Variants in OR1L8 observed in about 807,000 individuals in gnomAD.
The protein encoded by OR1L8 is olfactory receptor family 1 subfamily L member 8.
For synonymous variants in OR1L8, 148 were observed against 147.0 expected (o/e 1.01, Z -0.05); for missense variants, 330 against 377.4 (o/e 0.87, Z 1.04).
the OR1L8 span, among the ~76,000 whole-genome samples, chr9:122,550,402 A>G: frequency 6.6e-6 from 1 of 152,170 alleles, no homozygotes; most frequent in South Asian, 2.1e-4. Flanking sequence ...CATTCTACAA[A>G]GCAGGTATCA....
chr9:122,564,066 T>C (rs539629992), downstream of OR1L8, among the ~76,000 whole-genome samples: 7 of 152,290 alleles, frequency 4.6e-5, no homozygotes, highest in South Asian at 1.5e-3. Context: ...CCAAGGTAAC[T>C]GTGCATTGGG....
chr9:122,581,840 A>T (rs1181668881), intron 1 of OR1L8, among the ~76,000 whole-genome samples: 1 of 152,076 alleles, frequency 6.6e-6, no homozygotes, highest in Non-Finnish European at 1.5e-5. Context: ...TGAACCCAAA[A>T]GGTGGAGGTT....
At chr9:122,563,939 T>C (rs1439651978), downstream of OR1L8, among the ~76,000 whole-genome samples, 1 of 152,354 alleles carries the variant, frequency 6.6e-6, no homozygotes, top group South Asian at 2.1e-4. Context: ...GATTTATTTT[T>C]GGGTTGTCTA....
chr9:122,547,795 T>G, the OR1L8 span, among the ~76,000 whole-genome samples: 1 of 152,182 alleles, frequency 6.6e-6, no homozygotes, highest in Non-Finnish European at 1.5e-5. Context: ...TTTCTTTTCC[T>G]TTGAGTATAT....
chr9:122,550,562 T>A, the OR1L8 span, among the ~76,000 whole-genome samples: 4 of 73,014 alleles, frequency 5.5e-5, no homozygotes, highest in African/African-American at 2.6e-4. Context: ...ATCAAGTGGG[T>A]TTTTTTTTTG....
At chr9:122,579,179 T>C (rs950312705) in intron 1 of OR1L8, among the ~76,000 whole-genome samples, 4 of 152,106 alleles carry the variant, frequency 2.6e-5, no homozygotes, top group Admixed American at 2.6e-4. Flanking sequence ...TATGTTGATA[T>C]AATTGACTAT....
At chr9:122,576,223 A>T (rs561981936) in intron 3 of OR1L8, among the ~76,000 whole-genome samples, 7,466 of 150,554 alleles carry the variant, frequency 0.05, 291 homozygotes, top group South Asian at 0.17. Context: ...TCTTTTTTAC[A>T]TTTTTTTTTA....
At chr9:122,575,278 T>C (rs1366059838) in intron 3 of OR1L8, among the ~76,000 whole-genome samples, 1 of 152,134 alleles carries the variant, frequency 6.6e-6, no homozygotes. Context: ...AATTCTTCTT[T>C]AAATGTTTAG....
the OR1L8 span, among the ~76,000 whole-genome samples, chr9:122,551,858 C>T: frequency 1.3e-5 from 2 of 152,092 alleles, no homozygotes; most frequent in Non-Finnish European, 2.9e-5. Flanking sequence ...CCATACACTT[C>T]AGGTATTTCT....
At chr9:122,556,856 A>G in the OR1L8 span, among the ~76,000 whole-genome samples, 1 of 152,194 alleles carries the variant, frequency 6.6e-6, no homozygotes, top group Admixed American at 6.5e-5. Flanking sequence ...TGACACCATG[A>G]TAACATTGAG....
At chr9:122,551,790 C>G in the OR1L8 span, among the ~76,000 whole-genome samples, 7 of 152,122 alleles carry the variant, frequency 4.6e-5, no homozygotes, top group East Asian at 1.4e-3. Context: ...GTTCTAGGAG[C>G]CTTTATAACC....
chr9:122,547,666 CACT>C, the OR1L8 span, among the ~76,000 whole-genome samples: 6 of 148,338 alleles, frequency 4.0e-5, no homozygotes, highest in Non-Finnish European at 3.0e-5. Flanking sequence ...TGTACATACA[CACT>C]ACATTTTCTT....
chr9:122,548,154 A>C, the OR1L8 span, among the ~76,000 whole-genome samples: 5 of 152,210 alleles, frequency 3.3e-5, no homozygotes, highest in Admixed American at 1.3e-4. Flanking sequence ...CAGAGCCTTA[A>C]GGAAATGAAG....
At chr9:122,557,782 T>A in the OR1L8 span, among the ~76,000 whole-genome samples, 1 of 152,032 alleles carries the variant, frequency 6.6e-6, no homozygotes, top group Admixed American at 6.5e-5. Context: ...TTGCAGAGAA[T>A]TGGCATACAT....
the OR1L8 span, chr9:122,553,740 A>T: frequency 6.2e-7 from 1 of 1,613,494 alleles, no homozygotes; most frequent in Non-Finnish European, 8.5e-7. Flanking sequence ...CCAGAAAGCC[A>T]TCCCTCATTT....
intron 3 of OR1L8, among the ~76,000 whole-genome samples, chr9:122,574,582 T>C (rs1829609536): frequency 1.3e-5 from 2 of 151,076 alleles, no homozygotes; most frequent in African/African-American, 4.9e-5. Context: ...GTTCCAGGAA[T>C]TTTTTTGTCA....
chr9:122,566,037 G>A (rs189634682), downstream of OR1L8, among the ~76,000 whole-genome samples: 5 of 152,250 alleles, frequency 3.3e-5, no homozygotes, highest in East Asian at 9.7e-4. Context: ...CATTACAAAG[G>A]AACACAAATT....
chr9:122,551,366 G>T, the OR1L8 span, among the ~76,000 whole-genome samples: 1 of 152,134 alleles, frequency 6.6e-6, no homozygotes, highest in Non-Finnish European at 1.5e-5. Context: ...TTTGTATGAG[G>T]CACTATGGCT....
chr9:122,577,403 C>T (rs1829676571), intron 2 of OR1L8, among the ~76,000 whole-genome samples: 1 of 152,002 alleles, frequency 6.6e-6, no homozygotes, highest in Admixed American at 6.6e-5. Context: ...CCTCCACATA[C>T]AAAAATCGTT....
Sources: gnomAD v4.1 joint callset for allele counts (sites outside exome capture counted in the v4.1 genomes callset) on GRCh38, gnomAD v4.1.1 for gene constraint, MANE v1.5 for transcripts, NCBI Gene and HGNC (gene_info 2026-07-23, HGNC 2026-07-21) for gene names.